Variants in TSHZ2 observed in about 807,000 individuals in gnomAD.
TSHZ2 encodes teashirt homolog 2.
TSHZ2 carries 21 observed loss-of-function variants against 74.4 expected under a neutral mutation model. The ratio of observed to expected loss-of-function variants is 0.28; its 90% CI spans 0.20 to 0.41. TSHZ2 has a LOEUF of 0.41. Ranked by LOEUF, TSHZ2 falls within the 10% of genes least tolerant of loss-of-function variation. The pLI is 1.00. For synonymous variants in TSHZ2, 540 were observed against 515.3 expected (o/e 1.05, Z -0.65); for missense variants, 1,244 against 1,293.5 (o/e 0.96, Z 0.59).
At chr20:53,421,617 G>T in intron 2 of TSHZ2, 3 of 199,162 alleles carry the variant, frequency 1.5e-5, no homozygotes, top group South Asian at 2.0e-4. Flanking sequence ...GGAATGGCAA[G>T]ACCAGCAAGA....
chr20:53,264,547 C>T (rs1334363321), intron 2 of TSHZ2, among the ~76,000 whole-genome samples: 7 of 152,220 alleles, frequency 4.6e-5, no homozygotes, highest in Admixed American at 3.3e-4. Context: ...TTCTTGCATG[C>T]CAAAAACCCC....
chr20:53,311,157 G>T (rs1978767747), intron 2 of TSHZ2, among the ~76,000 whole-genome samples: 1 of 152,156 alleles, frequency 6.6e-6, no homozygotes, highest in Non-Finnish European at 1.5e-5. Flanking sequence ...TCTAAAAGCA[G>T]CTCATAAGAG....
intron 1 of TSHZ2, among the ~76,000 whole-genome samples, chr20:53,059,701 A>G (rs1469546614): frequency 6.6e-6 from 1 of 152,182 alleles, no homozygotes; most frequent in East Asian, 1.9e-4. Flanking sequence ...ACAATGAAGA[A>G]TTCTATCTCA....
intron 1 of TSHZ2, among the ~76,000 whole-genome samples, chr20:52,979,948 A>G (rs921058525): frequency 1.3e-5 from 2 of 152,194 alleles, no homozygotes; most frequent in Admixed American, 1.3e-4. Context: ...TTTGTCTTGA[A>G]TTCTGCTCAT....
At chr20:53,000,038 T>C (rs969917001) in intron 1 of TSHZ2, among the ~76,000 whole-genome samples, 1 of 152,214 alleles carries the variant, frequency 6.6e-6, no homozygotes, top group Non-Finnish European at 1.5e-5. Context: ...GATGTCCAAA[T>C]AGTTCATCTT....
chr20:53,410,460 G>A (rs765023595), intron 2 of TSHZ2, among the ~76,000 whole-genome samples: 3 of 152,126 alleles, frequency 2.0e-5, no homozygotes, highest in East Asian at 1.9e-4. Flanking sequence ...GTCTCAGTAC[G>A]ATAACAAAAT....
chr20:53,118,505 A>G (rs1334204756), intron 1 of TSHZ2, among the ~76,000 whole-genome samples: 1 of 152,122 alleles, frequency 6.6e-6, no homozygotes, highest in Non-Finnish European at 1.5e-5. Flanking sequence ...GATCTCAGGG[A>G]AAATCTGATC....
At chr20:53,397,375 A>G (rs1982488338) in intron 2 of TSHZ2, among the ~76,000 whole-genome samples, 1 of 152,234 alleles carries the variant, frequency 6.6e-6, no homozygotes. Flanking sequence ...ACATGAAAAA[A>G]TGCTCATCAT....
At chr20:53,039,755 G>C (rs1477139078) in intron 1 of TSHZ2, among the ~76,000 whole-genome samples, 1 of 147,012 alleles carries the variant, frequency 6.8e-6, no homozygotes, top group Non-Finnish European at 1.5e-5. Flanking sequence ...ACTCTAGCCT[G>C]GGTGACAGAG....
intron 2 of TSHZ2, among the ~76,000 whole-genome samples, chr20:53,310,951 T>C (rs1032402271): frequency 6.6e-6 from 1 of 152,226 alleles, no homozygotes; most frequent in Non-Finnish European, 1.5e-5. Flanking sequence ...ATAGGACCAC[T>C]GTAAGAGCCT....
chr20:53,226,010 G>A (rs1037929670), intron 1 of TSHZ2, among the ~76,000 whole-genome samples: 2 of 152,026 alleles, frequency 1.3e-5, no homozygotes, highest in Non-Finnish European at 2.9e-5. Context: ...GAATATATGT[G>A]ACATAAAGAA....
intron 2 of TSHZ2, among the ~76,000 whole-genome samples, chr20:53,356,195 C>T (rs572923107): frequency 6.6e-6 from 1 of 152,286 alleles, no homozygotes; most frequent in East Asian, 1.9e-4. Flanking sequence ...ATACTGTTGA[C>T]TTACTATTCT....
chr20:53,049,500 A>G (rs1298578250), intron 1 of TSHZ2, among the ~76,000 whole-genome samples: 2 of 152,148 alleles, frequency 1.3e-5, no homozygotes, highest in African/African-American at 2.4e-5. Context: ...CCAGTGACGT[A>G]GGGAGTCTTA....
At chr20:53,054,845 A>C (rs1484116423) in intron 1 of TSHZ2, among the ~76,000 whole-genome samples, 1 of 152,124 alleles carries the variant, frequency 6.6e-6, no homozygotes, top group Non-Finnish European at 1.5e-5. Flanking sequence ...TTCAGGATCC[A>C]CAAAACCAGC....
At position 53,006,389 on chromosome 20, in the gene TSHZ2, T is replaced by A. The variant is rs1982646703; in HGVS notation, c.40+33056T>A. On this transcript the variant is annotated intron_variant, in intron 1 of 2. Transcript: ENST00000371497. ...AGCTATTCTGGAAGAAGTCTCCATG[T>A]GCTTTTGAAGAATTTGCAATAGGAG... is the stretch of plus-strand genomic sequence containing the variant. Among the ~76,000 whole-genome samples the A allele has an allele frequency of 2.0e-5, 3 of 152,242 alleles. 1 individual carries two copies. The East Asian group carries it at 5.8e-4, about 29-fold the overall frequency.
At chr20:53,346,851 C>T (rs1980459765) in intron 2 of TSHZ2, among the ~76,000 whole-genome samples, 2 of 152,204 alleles carry the variant, frequency 1.3e-5, no homozygotes, top group South Asian at 4.1e-4. Flanking sequence ...TCCTCCAATA[C>T]CTGCCCCCAC....
chr20:53,436,557 T>A lies in TSHZ2; in HGVS notation c.*9-50587T>A, dbSNP rs1359999622. On this transcript the variant is annotated intron_variant, in intron 2 of 2. Coordinates refer to ENST00000371497, the MANE Select transcript of TSHZ2 (RefSeq NM_173485.6). Reference sequence around the variant, plus strand: ...TATTATTATTATTATTATTTTTTTTTTTTTTTTAGATGGAGCCTTGCTCTG... The same window carrying A: ...TATTATTATTATTATTATTTTTTTTATTTTTTTAGATGGAGCCTTGCTCTG... Among the ~76,000 whole-genome samples the A allele has an allele frequency of 9.1e-4, 128 of 140,700 alleles. 1 individual carries two copies. The highest frequency in any genetic ancestry group is 1.6e-3 in the Non-Finnish European group (105 of 64,684). 92.3% of individuals were successfully genotyped at this position (140,700 alleles called of 152,430 possible).
At chr20:53,442,269 C>A (rs904836301) in intron 2 of TSHZ2, among the ~76,000 whole-genome samples, 1 of 152,186 alleles carries the variant, frequency 6.6e-6, no homozygotes, top group Non-Finnish European at 1.5e-5. Flanking sequence ...TCCTTCCATG[C>A]CAGTTCCAGG....
intron 1 of TSHZ2, among the ~76,000 whole-genome samples, chr20:53,180,290 A>G (rs563051035): frequency 6.6e-6 from 1 of 152,178 alleles, no homozygotes; most frequent in Non-Finnish European, 1.5e-5. Context: ...ATTTGGGTAG[A>G]ATCTATTACT....
Sources: allele counts gnomAD v4.1 joint callset (sites outside exome capture counted in the v4.1 genomes callset), GRCh38; gene constraint gnomAD v4.1.1; transcripts MANE v1.5; gene names NCBI Gene and HGNC (gene_info 2026-07-23, HGNC 2026-07-21).